The following TKTL1 variants were observed in gnomAD, a reference collection of about 807,000 sequenced individuals.
TKTL1 encodes the protein transketolase-like protein 1.
TKTL1 carries 1 observed loss-of-function variant against 39.3 expected under a neutral mutation model. That is an observed-to-expected ratio of 0.03 (90% CI 0.01 to 0.12). The LOEUF is 0.12. Ranked by LOEUF, TKTL1 falls within the 10% of genes least tolerant of loss-of-function variation. TKTL1 has a pLI of 1.00. For synonymous variants in TKTL1, 262 were observed against 193.8 expected, an observed-to-expected ratio of 1.35 and a Z score of -2.92; for missense variants, 575 against 509.6, an observed-to-expected ratio of 1.13 and a Z score of -1.24.
chrX:154,303,624 C>T lies in TKTL1; in HGVS notation c.135-1680C>T, dbSNP rs782480402. Among the ~76,000 whole-genome samples the T allele has an allele frequency of 1.5e-4, 16 of 105,884 alleles. No individual in the cohort carries two copies. The East Asian group carries it at 2.1e-3, about 14-fold the overall frequency. 91.9% of individuals were successfully genotyped at this position (105,884 alleles called of 115,157 possible). On this transcript the variant is annotated intron_variant, in intron 1 of 12. Coordinates refer to ENST00000369915, the MANE Select transcript of TKTL1 (RefSeq NM_012253.4). ...TGGCCCCCTTCCATTTTCTTTTCTG[C>T]TTCTCTTTCCCAACTTCCCCCTCAT...
chrX:154,304,939 A>T (rs1260589205), intron 1 of TKTL1: 2 of 867,400 alleles, frequency 2.3e-6, no homozygotes, highest in Non-Finnish European at 3.1e-6. Context: ...TGTAGAAGGT[A>T]GAATGGGATC....
intron 12 of TKTL1, among the ~76,000 whole-genome samples, chrX:154,328,988 A>G (rs1557172607): frequency 8.9e-6 from 1 of 112,535 alleles, no homozygotes; most frequent in African/African-American, 3.2e-5. Flanking sequence ...GATGCCTGCT[A>G]GAGACTTGGC....
intron 7 of TKTL1, among the ~76,000 whole-genome samples, chrX:154,319,964 T>G (rs782161694): frequency 8.6e-4 from 96 of 111,834 alleles, no homozygotes; most frequent in Middle Eastern, 4.6e-3. Context: ...CAATGTAAAG[T>G]GGGGATCATT....
chrX:154,297,670 G>A (rs1254341148), intron 1 of TKTL1, among the ~76,000 whole-genome samples: 2 of 111,368 alleles, frequency 1.8e-5, no homozygotes, highest in Non-Finnish European at 3.8e-5. Flanking sequence ...CGGGCGTGGT[G>A]GCTCCAACCT....
chrX:154,324,043 T>C (rs1204674705), intron 9 of TKTL1, among the ~76,000 whole-genome samples: 10 of 112,792 alleles, frequency 8.9e-5, no homozygotes, highest in African/African-American at 3.2e-4. Context: ...GTATGTTCCC[T>C]TTCCAAGCAC....
chrX:154,303,198 TTTA>T (rs2148800809), intron 1 of TKTL1, among the ~76,000 whole-genome samples: 1 of 98,490 alleles, frequency 1.0e-5, no homozygotes, highest in East Asian at 3.1e-4. Flanking sequence ...TATTTATTTA[TTTA>T]TTTATTTATT....
At chrX:154,310,727 G>T (rs1557168136) in intron 3 of TKTL1, 109 bp from the exon 4 acceptor site, 17 of 665,666 alleles carry the variant, frequency 2.6e-5, no homozygotes, top group Non-Finnish European at 2.3e-6. Context: ...GAAGCGAATG[G>T]TCTGGAGCAG....
rs201644388 is a variant in TKTL1 at position 154,314,533 on chromosome X, AT to A, written c.865-630del. Reference sequence around the variant, plus strand: ...ACAAAAGCAATTCATAAAACTCAACATTTTTTTTTTGAGATGGAGTCTCGCT... The same window carrying A: ...ACAAAAGCAATTCATAAAACTCAACATTTTTTTTTGAGATGGAGTCTCGCT... On this transcript the variant is annotated intron_variant, in intron 6 of 12. Coordinates refer to ENST00000369915, the MANE Select transcript of TKTL1 (RefSeq NM_012253.4). Among the ~76,000 whole-genome samples the A allele has an allele frequency of 9.3e-5, 10 of 107,718 alleles. No homozygotes were observed. The South Asian group carries it at 1.2e-3, about 13-fold the overall frequency. The allele number at this position is 107,718 out of a possible 115,157, so 93.5% of individuals were successfully genotyped here. A position where few individuals can be genotyped will look rare whatever the true frequency, so the allele number is the denominator to read the frequency against.
intron 1 of TKTL1, among the ~76,000 whole-genome samples, chrX:154,302,724 A>G (rs781898039): frequency 1.8e-5 from 2 of 112,042 alleles, no homozygotes; most frequent in East Asian, 5.6e-4. Context: ...AATTAAGTTA[A>G]GGATCTTGAG....
At chrX:154,318,707 C>CAAAAAA (rs1208196360) in intron 7 of TKTL1, among the ~76,000 whole-genome samples, 3 of 30,133 alleles carry the variant, frequency 1.0e-4, no homozygotes, top group Non-Finnish European at 1.4e-4. Context: ...GCCTCCGTCT[C>CAAAAAA]AAAAAAAAAA....
intron 7 of TKTL1, among the ~76,000 whole-genome samples, chrX:154,318,797 G>A (rs1039425002): frequency 1.9e-5 from 2 of 105,007 alleles, no homozygotes; most frequent in Non-Finnish European, 3.9e-5. Context: ...TTCATGCCAA[G>A]CCACTTTTCT....
Position 154,322,879 on chromosome X carries a change from C to T in TKTL1, c.1187-328C>T, listed in dbSNP as rs1370718488. ...AGCCTGAGGACCTTCCTAAAGAGAA[C>T]GGGTTCAGAGACTTAGCAGGCCAAA... On this transcript the variant is annotated intron_variant, in intron 8 of 12. Transcript: ENST00000369915. 3.6e-5 allele frequency among the ~76,000 whole-genome samples: 4 copies of T among 111,752 alleles called. No homozygotes were observed. The East Asian group carries it at 8.3e-4, about 23-fold the overall frequency.
chrX:154,328,181 G>A (rs1181896015), intron 12 of TKTL1, among the ~76,000 whole-genome samples: 3 of 111,640 alleles, frequency 2.7e-5, no homozygotes, highest in Non-Finnish European at 5.7e-5. Context: ...CAACACAGAG[G>A]AGTGGCTATT....
chrX:154,309,600 CT>C (rs1471327806), intron 3 of TKTL1, among the ~76,000 whole-genome samples, 158 bp downstream of exon 3: 1 of 111,242 alleles, frequency 9.0e-6, no homozygotes, highest in Non-Finnish European at 1.9e-5. Flanking sequence ...TTCCCTGTGC[CT>C]TTTCCCCACC....
At position 154,325,389 on chromosome X, in the gene TKTL1, C is replaced by T. The variant is rs1392122752; in HGVS notation, c.1368C>T (p.Thr456=). The change falls in exon 10 of 13, where the codon ACC becomes ACT. Residue 456 remains threonine (T), a synonymous_variant. Coordinates refer to ENST00000369915, the MANE Select transcript of TKTL1 (RefSeq NM_012253.4). ...GACCAGAAACTATGGTTATTTACAC[C>T]CCACAAGAACGCTTTGAGATCGGAC... ...TTRPETMVIY[T]PQERFEIGQA... The T allele has an allele frequency of 1.7e-6, 2 of 1,210,296 alleles. No individual in the cohort carries two copies. Among genetic ancestry groups the T allele is most frequent in the African/African-American group, 1.7e-5 (1 of 57,301 alleles).
At chrX:154,314,348 C>G (rs1370965016) in intron 6 of TKTL1, among the ~76,000 whole-genome samples, 1 of 110,982 alleles carries the variant, frequency 9.0e-6, no homozygotes, top group Non-Finnish European at 1.9e-5. Context: ...AGAACATTAG[C>G]CCATCTCAAC....
rs200362842 is a variant in TKTL1 at position 154,309,333 on chromosome X, C to T, written c.253-12C>T. 1 of 1,205,515 alleles carries T rather than the reference C, an allele frequency of 8.3e-7. No homozygotes were observed. Among genetic ancestry groups the T allele is most frequent in the Non-Finnish European group, 1.1e-6 (1 of 889,622 alleles). Reference sequence around the variant, plus strand: ...AGCTGCGTCTGGGCTCACTGGGTCCCTTCTCTTACAGAGACTGTCGTTTGT... The same window carrying T: ...AGCTGCGTCTGGGCTCACTGGGTCCTTTCTCTTACAGAGACTGTCGTTTGT... On this transcript the variant is annotated splice_polypyrimidine_tract_variant and intron_variant, in intron 2 of 12. Coordinates refer to ENST00000369915, the MANE Select transcript of TKTL1 (RefSeq NM_012253.4).
chrX:154,303,438 C>T (rs1457502245), intron 1 of TKTL1, among the ~76,000 whole-genome samples: 1 of 86,500 alleles, frequency 1.2e-5, no homozygotes, highest in Non-Finnish European at 2.2e-5. Context: ...ACCATGTTGC[C>T]CATGCTGGTC....
At chrX:154,328,161 G>A (rs996953217) in intron 12 of TKTL1, among the ~76,000 whole-genome samples, 8 of 111,750 alleles carry the variant, frequency 7.2e-5, no homozygotes, top group East Asian at 2.8e-4. Flanking sequence ...TCACCAGGGC[G>A]GGTCAGTGGC....
Sources: gnomAD v4.1 joint callset for allele counts (sites outside exome capture counted in the v4.1 genomes callset) on GRCh38, gnomAD v4.1.1 for gene constraint, MANE v1.5 for transcripts, NCBI Gene and HGNC (gene_info 2026-07-23, HGNC 2026-07-21) for gene names.